RPL10: variants seen among roughly 807,000 people sequenced by gnomAD.
RPL10 encodes large ribosomal subunit protein uL16.
In RPL10, 1 loss-of-function variant was observed where a neutral mutation model predicts 15.7. The ratio of observed to expected loss-of-function variants is 0.06; its 90% CI spans 0.02 to 0.30. RPL10 has a LOEUF of 0.30. Ranked by LOEUF, RPL10 falls within the 10% of genes least tolerant of loss-of-function variation. The pLI, the probability that RPL10 is intolerant of heterozygous loss-of-function variation, is 1.00. For synonymous variants in RPL10, 59 were observed against 64.0 expected (o/e 0.92, Z 0.37); for missense variants, 54 against 183.4 (o/e 0.29, Z 4.08).
rs782227825 is a variant in RPL10 at position 154,400,696 on chromosome X, C to T, written c.493-6C>T. ...TCCTGACTCAGTTCTTTCCATTGCT[C>T]CTTAGATCCACATCTCAAAGAAGTG... On this transcript the variant is annotated splice_polypyrimidine_tract_variant and splice_region_variant and intron_variant, in intron 6 of 6. Transcript: ENST00000369817. The T allele has an allele frequency of 5.8e-6, 7 of 1,211,505 alleles. No individual in the cohort carries two copies. The highest frequency in any genetic ancestry group is 7.8e-6 in the Non-Finnish European group (7 of 895,347).
At chrX:154,399,221 G>A in intron 2 of RPL10, 117 bp from the exon 3 acceptor site, 1 of 713,782 alleles carries the variant, frequency 1.4e-6, no homozygotes, top group Non-Finnish European at 2.3e-6. Context: ...GTTTAGAAGT[G>A]GACGTGCATT....
At position 154,398,498 on chromosome X, in the gene RPL10, C is replaced by T; in HGVS notation, c.-22C>T. 2 of 1,211,279 alleles carry T rather than the reference C, an allele frequency of 1.7e-6. No homozygotes were observed. Among genetic ancestry groups the T allele is most frequent in the Non-Finnish European group, 2.2e-6 (2 of 895,201 alleles). ...CCGACTCTCTCTTTTTCGTTGCAGC[C>T]ACTGAAGATCCTGGTGTCGCCATGG... On this transcript the variant is annotated splice_region_variant and 5_prime_UTR_variant, in exon 2 of 7. Coordinates refer to ENST00000369817, the MANE Select transcript of RPL10 (RefSeq NM_006013.5).
intron 2 of RPL10, 54 bp from the exon 3 acceptor site, chrX:154,399,284 C>T: frequency 2.6e-6 from 3 of 1,164,164 alleles, no homozygotes; most frequent in Non-Finnish European, 3.5e-6. Flanking sequence ...GGCAAAGTGC[C>T]TGTTGGGCTT....
chrX:154,398,778 G>C (rs2148135642), intron 2 of RPL10: 1 of 447,263 alleles, frequency 2.2e-6, no homozygotes, highest in East Asian at 3.8e-5. Flanking sequence ...CCTGTGTCCT[G>C]CAAGCTCACC....
At chrX:154,398,201 C>T (rs782150983), upstream of RPL10, 1 of 453,883 alleles carries the variant, frequency 2.2e-6, no homozygotes, top group Non-Finnish European at 4.0e-6. Flanking sequence ...CCCTGGTACC[C>T]GGTCACCTCT....
chrX:154,401,310 C>T lies in RPL10; in HGVS notation c.*456C>T, dbSNP rs41311384. On this transcript the variant is annotated 3_prime_UTR_variant, in exon 7 of 7. Transcript: ENST00000369817. ...GCATCACATTGGGCTTGTTCTCACC[C>T]ATCTGGTTTGGCCATTCCTCCTTGG... The T allele has an allele frequency of 8.5e-4, 170 of 199,233 alleles. No individual in the cohort carries two copies. The highest frequency in any genetic ancestry group is 1.4e-3 in the Non-Finnish European group (154 of 107,344). 16.4% of individuals were successfully genotyped at this position (199,233 alleles called of 1,213,427 possible).
chrX:154,401,377 C>A lies in RPL10; in HGVS notation c.*523C>A, dbSNP rs782418090. The stretch of plus-strand genomic sequence containing the variant: ...ACTGCTGAGGTCACCTGCGATTTGC[C>A]CCATTTCCTATCTCTAGCAACCTCC... On this transcript the variant is annotated 3_prime_UTR_variant, in exon 7 of 7. Coordinates refer to ENST00000369817, the MANE Select transcript of RPL10 (RefSeq NM_006013.5). 13 of 153,398 alleles carry A rather than the reference C, an allele frequency of 8.5e-5. No homozygotes were observed. In the East Asian group the frequency reaches 2.0e-3, roughly 24 times the overall value. 12.6% of individuals were successfully genotyped at this position (153,398 alleles called of 1,213,427 possible).
chrX:154,401,100 C>T lies in RPL10; in HGVS notation c.*246C>T. 1.2e-6 allele frequency: 1 copy of T among 849,303 alleles called. No homozygotes were observed. The allele number at this position is 849,303 out of a possible 1,213,427, so 70.0% of individuals were successfully genotyped here. A position where few individuals can be genotyped will look rare whatever the true frequency, so the allele number is the denominator to read the frequency against. On this transcript the variant is annotated 3_prime_UTR_variant, in exon 7 of 7. Transcript: ENST00000369817. The stretch of plus-strand genomic sequence containing the variant: ...ACTCTGGAGCTTGACTTGGACCTCC[C>T]CAGGTCCTAGGCAGTAGGTTGAAAA...
At position 154,400,965 on chromosome X, in the gene RPL10, C is replaced by G. The variant is rs889620018; in HGVS notation, c.*111C>G. ...ACGGGGAAGGAACTTCCTCTGGGAA[C>G]CTTTGGGTCATTGCCCTTTCACTTC... On this transcript the variant is annotated 3_prime_UTR_variant, in exon 7 of 7. Coordinates refer to ENST00000369817, the MANE Select transcript of RPL10 (RefSeq NM_006013.5). The G allele has an allele frequency of 8.5e-7, 1 of 1,179,282 alleles. No homozygotes were observed. The highest frequency in any genetic ancestry group is 2.4e-5 in the Admixed American group (1 of 41,490).
upstream of RPL10, chrX:154,398,297 AC>A: frequency 1.8e-6 from 1 of 549,038 alleles, no homozygotes; most frequent in Middle Eastern, 3.1e-4. Context: ...CAGAGCGTCC[AC>A]CCGTCTTCGA....
intron 2 of RPL10, 30 bp downstream of exon 2, chrX:154,398,572 C>G: frequency 8.3e-7 from 1 of 1,209,832 alleles, no homozygotes; most frequent in East Asian, 3.0e-5. Flanking sequence ...ACTTTCACTG[C>G]TGGGAAACGG....
chrX:154,399,286 G>C, intron 2 of RPL10, 52 bp from the exon 3 acceptor site: 2 of 1,177,119 alleles, frequency 1.7e-6, no homozygotes, highest in Non-Finnish European at 2.3e-6. Context: ...CAAAGTGCCT[G>C]TTGGGCTTTC....
In RPL10 at chrX:154,401,019, C is replaced by G. The variant is rs192756674; in HGVS notation, c.*165C>G. 2 of 1,155,408 alleles carry G rather than the reference C, an allele frequency of 1.7e-6. No individual in the cohort carries two copies. The highest frequency in any genetic ancestry group is 3.3e-5 in the East Asian group (1 of 30,476). Reference sequence around the variant, plus strand: ...AACAGGTTGACAACTCAGCCCTGCTCATGAGGCAGCAAACCCTGCAAAGGG... The same window carrying G: ...AACAGGTTGACAACTCAGCCCTGCTGATGAGGCAGCAAACCCTGCAAAGGG... On this transcript the variant is annotated 3_prime_UTR_variant, in exon 7 of 7. Coordinates refer to ENST00000369817, the MANE Select transcript of RPL10 (RefSeq NM_006013.5).
Position 154,399,380 on chromosome X carries a change from C to T in RPL10, c.66C>T (p.Phe22=), listed in dbSNP as rs1173707887. 1 of 1,212,007 alleles carries T rather than the reference C, an allele frequency of 8.3e-7. No homozygotes were observed. Among genetic ancestry groups the T allele is most frequent in the South Asian group, 1.8e-5 (1 of 57,018 alleles). ...ACAAGCCGTACCCAAAGTCTCGCTTCTGCCGAGGTGTCCCTGGTAAGTAGT... is the reference window on the plus strand; with the variant it reads ...ACAAGCCGTACCCAAAGTCTCGCTTTTGCCGAGGTGTCCCTGGTAAGTAGT... ...CKNKPYPKSR[F]CRGVPDAKIR... is the part of the protein sequence containing the mutation. Residue 22 remains phenylalanine (F), a synonymous_variant, in exon 3 of 7, where the codon TTC becomes TTT. Transcript: ENST00000369817.
chrX:154,400,456 C>T lies in RPL10; in HGVS notation c.330-8C>T, dbSNP rs782424218. 24 of 1,198,335 alleles carry T rather than the reference C, an allele frequency of 2.0e-5. No homozygotes were observed. Among genetic ancestry groups the T allele is most frequent in the East Asian group, 3.0e-5 (1 of 33,761 alleles). ...TCATGTTTCTGACCTTGCACTACCCCAATGTAGGCTCCAAACAGGCATGCG... is the reference window on the plus strand; with the variant it reads ...TCATGTTTCTGACCTTGCACTACCCTAATGTAGGCTCCAAACAGGCATGCG... On this transcript the variant is annotated splice_region_variant and splice_polypyrimidine_tract_variant and intron_variant, in intron 5 of 6. Transcript: ENST00000369817.
intron 4 of RPL10, 52 bp from the exon 5 acceptor site, chrX:154,399,751 A>G (rs1187166434): frequency 5.8e-6 from 7 of 1,200,336 alleles, no homozygotes; most frequent in African/African-American, 5.3e-5. Context: ...GTCGTGGTGA[A>G]TGTTTCTCTA....
intron 5 of RPL10, chrX:154,400,245 G>C (rs782566970): frequency 1.8e-6 from 1 of 569,715 alleles, no homozygotes; most frequent in South Asian, 2.3e-5. Flanking sequence ...TGGCAGAGGA[G>C]CCCAGTGGCG....
chrX:154,401,745 T>G lies in RPL10; in HGVS notation c.*891T>G, dbSNP rs2068041620. The G allele has an allele frequency of 8.9e-6, 1 of 112,419 alleles. No individual in the cohort carries two copies. Among genetic ancestry groups the G allele is most frequent in the South Asian group, 3.6e-4 (1 of 2,752 alleles). The allele number at this position is 112,419 out of a possible 1,213,427, so 9.3% of individuals were successfully genotyped here. On this transcript the variant is annotated 3_prime_UTR_variant, in exon 7 of 7. Transcript: ENST00000369817. ...GCCTCTGGTTTTTTGTAATCTCAGT[T>G]TACAGCCATTTCTTAGGTTTTTAAT...
At chrX:154,398,638 C>T (rs1213003104) in intron 2 of RPL10, 96 bp downstream of exon 2, 2 of 1,067,143 alleles carry the variant, frequency 1.9e-6, no homozygotes, top group East Asian at 3.0e-5. Flanking sequence ...GAGCCTCCCC[C>T]GTGCGGCGGC....
Sources: allele counts gnomAD v4.1 joint callset, GRCh38; gene constraint gnomAD v4.1.1; transcripts MANE v1.5; gene names NCBI Gene and HGNC (gene_info 2026-07-23, HGNC 2026-07-21).